Variants in BACE2 observed in about 807,000 individuals in gnomAD.
The protein encoded by BACE2 is 56 kDa aspartic-like protease.
Under a neutral mutation model 46.2 loss-of-function variants are expected in BACE2, and 17 were observed. That is an observed-to-expected ratio of 0.37 (90% CI 0.25 to 0.55). The LOEUF (loss-of-function observed/expected upper bound fraction) is 0.55. Among genes scored for constraint, BACE2 ranks in the 20% least tolerant of loss-of-function variants. The pLI, the probability that BACE2 is intolerant of heterozygous loss-of-function variation, is 0.82. For synonymous variants in BACE2, 277 were observed against 295.9 expected (o/e 0.94, Z 0.66); for missense variants, 595 against 698.1 (o/e 0.85, Z 1.66).
chr21:41,180,101 A>AT (rs2123496291), intron 1 of BACE2: 2 of 215,818 alleles, frequency 9.3e-6, no homozygotes, highest in South Asian at 1.8e-4. Flanking sequence ...CTGCAGTGGT[A>AT]TTTGTATCCA....
intron 1 of BACE2, among the ~76,000 whole-genome samples, chr21:41,204,755 G>T (rs1296636270): frequency 6.6e-6 from 1 of 152,108 alleles, no homozygotes; most frequent in Non-Finnish European, 1.5e-5. Flanking sequence ...AGCCAAAGAG[G>T]GATGCATCTG....
intron 7 of BACE2, among the ~76,000 whole-genome samples, chr21:41,253,036 A>G (rs549810775): frequency 6.6e-6 from 1 of 152,368 alleles, no homozygotes; most frequent in South Asian, 2.1e-4. Flanking sequence ...AGGAGAAACA[A>G]TAATACCTAC....
At chr21:41,266,925 G>T (rs2088381158) in intron 8 of BACE2, among the ~76,000 whole-genome samples, 1 of 150,608 alleles carries the variant, frequency 6.6e-6, no homozygotes, top group Admixed American at 6.6e-5. Flanking sequence ...ATCTTTGGAA[G>T]CTGCCCTTCT....
Position 41,168,370 on chromosome 21 carries a change from C to G in BACE2, c.107C>G (p.Ala36Gly). Residue 36 changes from alanine (A) to glycine (G), a missense_variant, in exon 1 of 9, where the codon GCC becomes GGC. Around this residue, in one of 3 missense-constraint regions of BACE2, gnomAD observed 248 missense variants for 261.4 expected, o/e 0.95. Transcript: ENST00000330333. The stretch of plus-strand genomic sequence containing the variant: ...CCCTTCACGCTGCCCCTCCGGGTGG[C>G]CGCGGCCACGAACCGCGTAGTTGCG... ...PAPFTLPLRV[A>G]AATNRVVAPT... The G allele has an allele frequency of 7.2e-7, 1 of 1,395,676 alleles. No homozygotes were observed. The allele number at this position is 1,395,676 out of a possible 1,614,324, so 86.5% of individuals were successfully genotyped here.
At chr21:41,250,730 G>C (rs960231) in intron 6 of BACE2, 22 bp from the exon 7 acceptor site, 1,093,773 of 1,611,452 alleles carry the variant, frequency 0.68, 376,829 homozygotes, top group East Asian at 0.92. Flanking sequence ...CATGGTTTCT[G>C]ATGTGATCTT....
chr21:41,208,708 GTGTT>G (rs1986208865), intron 1 of BACE2, among the ~76,000 whole-genome samples: 1 of 152,100 alleles, frequency 6.6e-6, no homozygotes, highest in Non-Finnish European at 1.5e-5. Context: ...GAGGATGGGG[GTGTT>G]TGTTTTGTTT....
chr21:41,264,737 A>T (rs1043074010), intron 8 of BACE2, among the ~76,000 whole-genome samples: 28 of 152,090 alleles, frequency 1.8e-4, no homozygotes, highest in African/African-American at 6.8e-4. Flanking sequence ...CCCATCTCCA[A>T]CACTTGGGAT....
Position 41,277,869 on chromosome 21 carries a change from T to C in BACE2, c.*2245T>C, listed in dbSNP as rs2088507787. The C allele has an allele frequency of 6.6e-6, 1 of 152,238 alleles. No individual in the cohort carries two copies. The highest frequency in any genetic ancestry group is 2.1e-4 in the South Asian group (1 of 4,832). The allele number at this position is 152,238 out of a possible 1,614,324, so 9.4% of individuals were successfully genotyped here. A position where few individuals can be genotyped will look rare whatever the true frequency, so the allele number is the denominator to read the frequency against. On this transcript the variant is annotated 3_prime_UTR_variant, in exon 9 of 9. Transcript: ENST00000330333. ...CTTTATCTTTTCATATCGCATGTCATTGGATGTGACATTTTGATGAAAATA... is the reference window on the plus strand; with the variant it reads ...CTTTATCTTTTCATATCGCATGTCACTGGATGTGACATTTTGATGAAAATA...
Position 41,261,555 on chromosome 21 carries a change from T to TTA in BACE2, c.1303+4237_1303+4238dup, listed in dbSNP as rs929121631. On this transcript the variant is annotated intron_variant, in intron 8 of 8. Transcript: ENST00000330333. ...TTTACTTTGTTTTGGTGCCTTATAT[T>TTA]TATATATATCTTTAATTTAGTGAAA... Among the ~76,000 whole-genome samples the TTA allele has an allele frequency of 9.9e-5, 15 of 152,160 alleles. 1 individual carries two copies. The South Asian group carries it at 3.1e-3, about 32-fold the overall frequency.
intron 1 of BACE2, among the ~76,000 whole-genome samples, chr21:41,190,077 T>C (rs1442186757): frequency 6.6e-6 from 1 of 152,180 alleles, no homozygotes; most frequent in African/African-American, 2.4e-5. Flanking sequence ...TGGGTCTGCC[T>C]TCCCCAGCCC....
At chr21:41,196,624 T>C (rs1985743337) in intron 1 of BACE2, among the ~76,000 whole-genome samples, 2 of 152,226 alleles carry the variant, frequency 1.3e-5, no homozygotes, top group Admixed American at 6.5e-5. Context: ...ATATGGCACA[T>C]GGAGGTGTCT....
At chr21:41,195,091 C>T (rs1037591187) in intron 1 of BACE2, among the ~76,000 whole-genome samples, 1 of 152,222 alleles carries the variant, frequency 6.6e-6, no homozygotes, top group African/African-American at 2.4e-5. Context: ...CCAAATCTGG[C>T]CAGCTACCTG....
intron 1 of BACE2, among the ~76,000 whole-genome samples, chr21:41,225,085 C>A (rs1986769365): frequency 6.6e-6 from 1 of 151,996 alleles, no homozygotes; most frequent in African/African-American, 2.4e-5. Flanking sequence ...TTACAAAAAA[C>A]TATCCGGGCT....
At chr21:41,242,016 A>G (rs1431283187) in intron 4 of BACE2, 69 bp downstream of exon 4, 3 of 1,595,844 alleles carry the variant, frequency 1.9e-6, no homozygotes, top group Non-Finnish European at 1.7e-6. Flanking sequence ...CTGTTTTATT[A>G]AACACCTGAG....
Position 41,275,547 on chromosome 21 carries a change from T to C in BACE2, c.1480T>C (p.Phe494Leu). Residue 494 changes from phenylalanine (F) to leucine (L), a missense_variant, in exon 9 of 9, where the codon TTC becomes CTC. By Grantham distance (22) the Phe-to-Leu change is conservative. Coordinates refer to ENST00000330333, the MANE Select transcript of BACE2 (RefSeq NM_012105.5). ...CTTAATCGTCCTGCTGCTGCTGCCG[T>C]TCCGGTGTCAGCGTCGCCCCCGTGA... ...LVLIVLLLLP[F>L]RCQRRPRDPE... The C allele has an allele frequency of 6.2e-7, 1 of 1,614,100 alleles. No individual in the cohort carries two copies. Among genetic ancestry groups the C allele is most frequent in the Non-Finnish European group, 8.5e-7 (1 of 1,180,020 alleles).
chr21:41,174,186 A>G (rs1259439836), intron 1 of BACE2, among the ~76,000 whole-genome samples: 1 of 116,360 alleles, frequency 8.6e-6, no homozygotes, highest in Admixed American at 1.2e-4. Context: ...CTCTGTTGCC[A>G]GGCTGGAGTA....
chr21:41,223,823 G>A (rs62217954), intron 1 of BACE2, among the ~76,000 whole-genome samples: 2,949 of 152,268 alleles, frequency 0.019, 50 homozygotes, highest in Non-Finnish European at 0.029. Context: ...TGCGCAGCCC[G>A]GGGCCGAGAG....
chr21:41,168,245 C>G lies in BACE2; in HGVS notation c.-19C>G. ...GGGACCGGCTAGGCTGGGCGCGCCCCCCGGGCCCCGCCGTGGGCATGGGCG... is the reference window on the plus strand; with the variant it reads ...GGGACCGGCTAGGCTGGGCGCGCCCGCCGGGCCCCGCCGTGGGCATGGGCG... On this transcript the variant is annotated 5_prime_UTR_variant, in exon 1 of 9. Transcript: ENST00000330333. The G allele has an allele frequency of 8.7e-7, 1 of 1,151,684 alleles. No individual in the cohort carries two copies. The highest frequency in any genetic ancestry group is 1.6e-5 in the African/African-American group (1 of 61,280). The allele number at this position is 1,151,684 out of a possible 1,614,324, so 71.3% of individuals were successfully genotyped here.
At chr21:41,269,900 A>G (rs1241086993) in intron 8 of BACE2, among the ~76,000 whole-genome samples, 1 of 152,240 alleles carries the variant, frequency 6.6e-6, no homozygotes, top group Non-Finnish European at 1.5e-5. Context: ...ATGTTTTACT[A>G]CTTAAAAAGC....
Sources: allele counts gnomAD v4.1 joint callset (sites outside exome capture counted in the v4.1 genomes callset), GRCh38; gene constraint gnomAD v4.1.1; regional missense constraint gnomAD v4.1.1; transcripts MANE v1.5; gene names NCBI Gene and HGNC (gene_info 2026-07-23, HGNC 2026-07-21).